Variants in AIG1 observed in about 807,000 individuals in gnomAD.
AIG1 encodes androgen-induced gene 1 protein.
A neutral mutation model predicts 31.4 loss-of-function variants in AIG1; 23 were observed. The observed-to-expected ratio is 0.73, with a 90% confidence interval of 0.53 to 1.04. The LOEUF (loss-of-function observed/expected upper bound fraction) is 1.04. Ranked by LOEUF, AIG1 falls within the 50% of genes least tolerant of loss-of-function variation. The pLI is 0.00. For synonymous variants in AIG1, 100 were observed against 110.5 expected, an observed-to-expected ratio of 0.90 and a Z score of 0.60; for missense variants, 274 against 295.0, an observed-to-expected ratio of 0.93 and a Z score of 0.52.
chr6:143,228,101 G>A (rs960528120), intron 3 of AIG1, among the ~76,000 whole-genome samples: 6 of 152,090 alleles, frequency 3.9e-5, no homozygotes, highest in Non-Finnish European at 5.9e-5. Context: ...CCTCCCACTC[G>A]GACCTCCCCT....
At chr6:143,196,350 AAC>A (rs71784011) in intron 3 of AIG1, among the ~76,000 whole-genome samples, 13,196 of 141,460 alleles carry the variant, frequency 0.093, 961 homozygotes, top group African/African-American at 0.22. Context: ...CAACAAAAGC[AAC>A]ACACACACAC....
At chr6:143,098,590 A>C (rs543977009) in intron 1 of AIG1, among the ~76,000 whole-genome samples, 1 of 152,178 alleles carries the variant, frequency 6.6e-6, no homozygotes, top group Non-Finnish European at 1.5e-5. Flanking sequence ...TGGTCCCCCA[A>C]ATTTATATTT....
At chr6:143,120,275 G>T (rs1195258933) in intron 1 of AIG1, among the ~76,000 whole-genome samples, 1 of 152,138 alleles carries the variant, frequency 6.6e-6, no homozygotes, top group Non-Finnish European at 1.5e-5. Context: ...GATGTTGTGG[G>T]TATTACATAT....
chr6:143,224,562 A>C (rs1234256721), intron 3 of AIG1, among the ~76,000 whole-genome samples: 1 of 152,220 alleles, frequency 6.6e-6, no homozygotes, highest in East Asian at 1.9e-4. Context: ...GAGCATATTG[A>C]CAGTGAATGT....
chr6:143,085,700 C>A (rs1427378728), intron 1 of AIG1, among the ~76,000 whole-genome samples: 1 of 152,186 alleles, frequency 6.6e-6, no homozygotes, highest in South Asian at 2.1e-4. Context: ...TAAGTGCAAA[C>A]AGCTCAGACA....
At chr6:143,255,968 G>A (rs1736418642) in intron 3 of AIG1, among the ~76,000 whole-genome samples, 1 of 152,092 alleles carries the variant, frequency 6.6e-6, no homozygotes, top group African/African-American at 2.4e-5. Context: ...TGAAGAACAT[G>A]TTTTCCTATC....
At chr6:143,309,518 G>GA (rs57144590) in intron 4 of AIG1, among the ~76,000 whole-genome samples, 20,200 of 151,658 alleles carry the variant, frequency 0.13, 1,576 homozygotes, top group East Asian at 0.36. Flanking sequence ...TAAGAGAGAA[G>GA]AAAAAGCAGA....
At chr6:143,112,534 C>T (rs977450567) in intron 1 of AIG1, among the ~76,000 whole-genome samples, 1 of 152,140 alleles carries the variant, frequency 6.6e-6, no homozygotes, top group African/African-American at 2.4e-5. Context: ...TTATCCCTGC[C>T]TATGAGGCTC....
At chr6:143,190,461 A>T (rs918437892) in intron 3 of AIG1, 1 of 985,298 alleles carries the variant, frequency 1.0e-6, no homozygotes, top group Admixed American at 6.1e-5. Flanking sequence ...TAGGGAGCTT[A>T]TCATTATTTA....
intron 3 of AIG1, among the ~76,000 whole-genome samples, chr6:143,230,599 T>G (rs1793368239): frequency 6.6e-6 from 1 of 150,558 alleles, no homozygotes; most frequent in Non-Finnish European, 1.5e-5. Flanking sequence ...TGTTATAAAT[T>G]AAGAATATCC....
chr6:143,238,606 CATTTGAAAGGAAG>C (rs2128637091), intron 3 of AIG1, among the ~76,000 whole-genome samples: 1 of 152,214 alleles, frequency 6.6e-6, no homozygotes, highest in Non-Finnish European at 1.5e-5. Flanking sequence ...AATTATGTTT[CATTTGAAAGGAAG>C]AAAGTGAATA....
intron 2 of AIG1, among the ~76,000 whole-genome samples, chr6:143,138,477 A>T (rs1354986337): frequency 6.6e-6 from 1 of 152,212 alleles, no homozygotes; most frequent in Non-Finnish European, 1.5e-5. Context: ...TAATATATGC[A>T]TGTATATTAT....
In AIG1 at chr6:143,275,355, A is replaced by G. The variant is rs937551471; in HGVS notation, c.400-8755A>G. Among the ~76,000 whole-genome samples the G allele has an allele frequency of 6.6e-5, 10 of 152,210 alleles. No individual in the cohort carries two copies. In the East Asian group the frequency reaches 1.9e-3, roughly 29 times the overall value. On this transcript the variant is annotated intron_variant, in intron 3 of 5. Coordinates refer to ENST00000357847, the MANE Select transcript of AIG1 (RefSeq NM_016108.4). ...CCCTTCTCCACTCTTTCTCCAGCTT[A>G]ATCTTTCTACTATTAATATCCAAAT...
At chr6:143,204,777 A>G (rs909718917) in intron 3 of AIG1, among the ~76,000 whole-genome samples, 1 of 152,142 alleles carries the variant, frequency 6.6e-6, no homozygotes, top group Admixed American at 6.6e-5. Flanking sequence ...GGGGAGGGAC[A>G]TGTCCACCTC....
chr6:143,310,232 C>G (rs1240572929), intron 4 of AIG1, among the ~76,000 whole-genome samples: 1 of 151,746 alleles, frequency 6.6e-6, no homozygotes, highest in Non-Finnish European at 1.5e-5. Flanking sequence ...CAATATCAAC[C>G]CTATTCGGGG....
At chr6:143,296,300 A>G (rs557932315) in intron 4 of AIG1, among the ~76,000 whole-genome samples, 1 of 152,332 alleles carries the variant, frequency 6.6e-6, no homozygotes, top group Admixed American at 6.5e-5. Flanking sequence ...GACATCCTAT[A>G]GGAGAGATGA....
intron 1 of AIG1, among the ~76,000 whole-genome samples, chr6:143,133,715 G>A (rs999553896): frequency 2.0e-5 from 3 of 152,074 alleles, no homozygotes; most frequent in African/African-American, 7.2e-5. Context: ...GGCAAACCTG[G>A]TCCAGTTACT....
chr6:143,246,694 C>A lies in AIG1; in HGVS notation c.400-37416C>A, dbSNP rs116137362. 9.1e-3 allele frequency among the ~76,000 whole-genome samples: 1,392 copies of A among 152,218 alleles called. 17 individuals carry two copies. The highest frequency in any genetic ancestry group is 0.03 in the African/African-American group (1,255 of 41,518). On this transcript the variant is annotated intron_variant, in intron 3 of 5. Transcript: ENST00000357847. ...CAACATTTACTGAGCACTTACATAC[C>A]GTGTAATGTTCTGTGTGTTTTACAT...
intron 1 of AIG1, among the ~76,000 whole-genome samples, chr6:143,106,944 A>T (rs1402366474): frequency 6.6e-6 from 1 of 152,178 alleles, no homozygotes; most frequent in African/African-American, 2.4e-5. Context: ...AATACCATTT[A>T]TGAGAGCTCT....
Sources: gnomAD v4.1 joint callset for allele counts (sites outside exome capture counted in the v4.1 genomes callset) on GRCh38, gnomAD v4.1.1 for gene constraint, MANE v1.5 for transcripts, NCBI Gene and HGNC (gene_info 2026-07-23, HGNC 2026-07-21) for gene names.